The following LRRFIP2 variants were observed in gnomAD, a reference collection of about 807,000 sequenced individuals.
LRRFIP2 encodes LRR binding FLII interacting protein 2.
A neutral mutation model predicts 125.9 loss-of-function variants in LRRFIP2; 109 were observed. The ratio of observed to expected loss-of-function variants is 0.87; its 90% confidence interval spans 0.74 to 1.01. The LOEUF (loss-of-function observed/expected upper bound fraction) is 1.01. LRRFIP2 is among the 50% of genes least tolerant of loss of function. The pLI, the probability that LRRFIP2 is intolerant of heterozygous loss-of-function variation, is 0.00. For missense variants in LRRFIP2, 850 were observed against 862.3 expected (o/e 0.99, Z 0.18); for synonymous variants, 291 against 293.1 (o/e 0.99, Z 0.07).
chr3:37,166,339 CATAAAATAAA>C (rs555012150), intron 1 of LRRFIP2, among the ~76,000 whole-genome samples: 4 of 149,556 alleles, frequency 2.7e-5, no homozygotes, highest in South Asian at 2.1e-4. Context: ...AATAACATAA[CATAAAATAAA>C]ATAAAATAAA....
At chr3:37,123,345 C>G (rs1318026315) in intron 4 of LRRFIP2, among the ~76,000 whole-genome samples, 1 of 152,170 alleles carries the variant, frequency 6.6e-6, no homozygotes, top group Non-Finnish European at 1.5e-5. Flanking sequence ...GCACCCACCA[C>G]CACACCCGGC....
At chr3:37,144,119 G>C (rs942881411) in intron 2 of LRRFIP2, among the ~76,000 whole-genome samples, 8 of 152,230 alleles carry the variant, frequency 5.3e-5, no homozygotes, top group African/African-American at 1.7e-4. Flanking sequence ...TGCCTGGCCT[G>C]GGCAGTGGTG....
At chr3:37,054,853 TG>T (rs1049913104) in intron 26 of LRRFIP2, among the ~76,000 whole-genome samples, 1 of 151,246 alleles carries the variant, frequency 6.6e-6, no homozygotes, top group African/African-American at 2.4e-5. Context: ...TTACAAATGA[TG>T]ATCTTGAATT....
At chr3:37,143,632 C>A in intron 2 of LRRFIP2, 1 of 188,432 alleles carries the variant, frequency 5.3e-6, no homozygotes. Flanking sequence ...AATTTAATCT[C>A]CAAATAACAT....
At chr3:37,084,959 C>T (rs1456869531) in intron 18 of LRRFIP2, among the ~76,000 whole-genome samples, 1 of 152,116 alleles carries the variant, frequency 6.6e-6, no homozygotes, top group Non-Finnish European at 1.5e-5. Flanking sequence ...CAGCCCAGAA[C>T]TTACATTTAC....
chr3:37,070,396 A>G (rs1430296702), intron 21 of LRRFIP2, among the ~76,000 whole-genome samples: 1 of 151,926 alleles, frequency 6.6e-6, no homozygotes, highest in East Asian at 2.0e-4. Context: ...TTAAAGGCAT[A>G]AGCCACCATG....
intron 17 of LRRFIP2, among the ~76,000 whole-genome samples, chr3:37,092,670 C>T (rs1213428051): frequency 6.6e-6 from 1 of 152,190 alleles, no homozygotes; most frequent in African/African-American, 2.4e-5. Context: ...GCATTTATGT[C>T]TGGTACATAG....
At chr3:37,126,559 T>TA (rs869048529) in intron 4 of LRRFIP2, among the ~76,000 whole-genome samples, 1,625 of 143,002 alleles carry the variant, frequency 0.011, 36 homozygotes, top group African/African-American at 0.038. Context: ...CACAGAGGTT[T>TA]AAAAAAAAAA....
In LRRFIP2 at chr3:37,055,089, T is replaced by A; in HGVS notation, c.1947A>T (p.Gln649His). 1.9e-6 allele frequency: 3 copies of A among 1,585,224 alleles called. No homozygotes were observed. The highest frequency in any genetic ancestry group is 2.6e-6 in the Non-Finnish European group (3 of 1,165,940). ...AGTACCATATAGAAGTACTTACACT[T>A]TGCTCCAAGGTAGTTATATCCTGTT... is the stretch of plus-strand genomic sequence containing the variant. ...KAEQDITTLE[Q>H]SISRLEGQVL... The change falls in exon 26 of 28, where the codon CAA becomes CAT. Residue 649 changes from glutamine (Q) to histidine (H), a missense_variant. Gln to His is a conservative substitution (Grantham distance 24, BLOSUM62 0). Coordinates refer to ENST00000336686, the MANE Select transcript of LRRFIP2 (RefSeq NM_006309.4).
chr3:37,062,261 A>G (rs1267363981), intron 24 of LRRFIP2, among the ~76,000 whole-genome samples: 1 of 152,230 alleles, frequency 6.6e-6, no homozygotes, highest in East Asian at 1.9e-4. Context: ...AATGCCTCTC[A>G]GGCAGGAATT....
At chr3:37,057,290 CCTCT>C (rs2087158250) in intron 25 of LRRFIP2, among the ~76,000 whole-genome samples, 1 of 152,142 alleles carries the variant, frequency 6.6e-6, no homozygotes, top group African/African-American at 2.4e-5. Flanking sequence ...TATTCCCTAC[CCTCT>C]CTCTAAGACT....
chr3:37,166,243 T>A (rs908739111), intron 1 of LRRFIP2, among the ~76,000 whole-genome samples: 1 of 152,034 alleles, frequency 6.6e-6, no homozygotes, highest in Non-Finnish European at 1.5e-5. Context: ...GGCAGGAGAA[T>A]AGCTTGAACC....
chr3:37,100,342 A>G (rs967320341), intron 15 of LRRFIP2, among the ~76,000 whole-genome samples: 1 of 147,446 alleles, frequency 6.8e-6, no homozygotes, highest in Admixed American at 6.6e-5. Context: ...AAATATATGT[A>G]TGTATGCGTA....
intron 2 of LRRFIP2, among the ~76,000 whole-genome samples, chr3:37,133,039 C>T (rs534640342): frequency 1.3e-5 from 2 of 152,042 alleles, no homozygotes; most frequent in Admixed American, 1.3e-4. Context: ...GCCTGGTCAA[C>T]ATGGCGAAAT....
At chr3:37,101,297 C>T (rs2149312569) in intron 15 of LRRFIP2, among the ~76,000 whole-genome samples, 1 of 150,096 alleles carries the variant, frequency 6.7e-6, no homozygotes, top group South Asian at 2.1e-4. Flanking sequence ...GTGGGGGTTG[C>T]AGTAAGCCAA....
intron 4 of LRRFIP2, among the ~76,000 whole-genome samples, chr3:37,126,264 A>AGGT (rs1251539933): frequency 6.6e-6 from 1 of 152,128 alleles, no homozygotes; most frequent in African/African-American, 2.4e-5. Context: ...TCCTGACCTC[A>AGGT]GGTAATCCAC....
intron 6 of LRRFIP2, 74 bp downstream of exon 6, chr3:37,121,418 G>T (rs1576958830): frequency 2.2e-6 from 3 of 1,371,416 alleles, no homozygotes; most frequent in African/African-American, 1.4e-5. Flanking sequence ...AACATTGTCA[G>T]ATTGTTTAGG....
rs527770788 is a variant in LRRFIP2 at position 37,114,744 on chromosome 3, G to A, written c.372+310C>T. The stretch of plus-strand genomic sequence containing the variant: ...AGGTTGCAGTCAGTAAGCTATGATT[G>A]CACCACTGCACTCCAGCCTGGTTGA... On this transcript the variant is annotated intron_variant, in intron 7 of 27. Transcript: ENST00000336686. Among the ~76,000 whole-genome samples, 61 of 151,310 alleles carry A rather than the reference G, an allele frequency of 4.0e-4. 1 individual carries two copies. Among genetic ancestry groups the A allele is most frequent in the Non-Finnish European group, 8.8e-5 (6 of 67,898 alleles).
rs768235523 is a variant in LRRFIP2 at position 37,121,553 on chromosome 3, T to A, written c.286-17A>T. 1 of 1,613,568 alleles carries A rather than the reference T, an allele frequency of 6.2e-7. No homozygotes were observed. The highest frequency in any genetic ancestry group is 1.3e-5 in the African/African-American group (1 of 75,022). Reference sequence around the variant, plus strand: ...CTCAACTCCCTGATAAAAATGAAAATAAACACAGTAAAAGTTTGTGAGTGA... The same window carrying A: ...CTCAACTCCCTGATAAAAATGAAAAAAAACACAGTAAAAGTTTGTGAGTGA... On this transcript the variant is annotated splice_polypyrimidine_tract_variant and intron_variant, in intron 5 of 27. Transcript: ENST00000336686.
Sources: gnomAD v4.1 joint callset for allele counts (sites outside exome capture counted in the v4.1 genomes callset) on GRCh38, gnomAD v4.1.1 for gene constraint, MANE v1.5 for transcripts, NCBI Gene and HGNC (gene_info 2026-07-23, HGNC 2026-07-21) for gene names.